The following TUSC3 variants were observed in gnomAD, a reference collection of about 807,000 sequenced individuals.
TUSC3 encodes tumor suppressor candidate 3.
TUSC3 carries 45 observed loss-of-function variants against 44.8 expected under a neutral mutation model. The ratio of observed to expected loss-of-function variants is 1.00; its 90% CI spans 0.79 to 1.29. TUSC3 has a LOEUF of 1.29. Among genes scored for constraint, TUSC3 ranks in the 50% most tolerant of loss-of-function variants. The pLI, the probability that TUSC3 is intolerant of heterozygous loss-of-function variation, is 0.00. For missense variants in TUSC3, 519 were observed against 437.9 expected, an observed-to-expected ratio of 1.19 and a Z score of -1.65; for synonymous variants, 212 against 152.9, an observed-to-expected ratio of 1.39 and a Z score of -2.85.
At chr8:15,514,029 C>G (rs1236116650) in intron 2 of TUSC3, among the ~76,000 whole-genome samples, 1 of 152,148 alleles carries the variant, frequency 6.6e-6, no homozygotes, top group Non-Finnish European at 1.5e-5. Context: ...GGAACATAAC[C>G]AGTACTTTTC....
intron 1 of TUSC3, among the ~76,000 whole-genome samples, chr8:15,577,721 G>C (rs1363295315): frequency 1.5e-4 from 20 of 137,668 alleles, no homozygotes; most frequent in East Asian, 4.5e-4. Context: ...CTGTAGCCTT[G>C]TAGTATAGTT....
intron 6 of TUSC3, among the ~76,000 whole-genome samples, chr8:15,725,694 A>G (rs1463935881): frequency 6.6e-6 from 1 of 152,200 alleles, no homozygotes; most frequent in Non-Finnish European, 1.5e-5. Flanking sequence ...TGTATTATCA[A>G]TTCACTTCTC....
intron 1 of TUSC3, among the ~76,000 whole-genome samples, chr8:15,419,464 T>C (rs755724865): frequency 1.6e-4 from 24 of 152,232 alleles, no homozygotes; most frequent in Non-Finnish European, 8.8e-5. Context: ...TATTTTAGAA[T>C]GTTTATTCAT....
At position 15,551,341 on chromosome 8, in the gene TUSC3, A is replaced by G. The variant is rs188278932; in HGVS notation, c.138+10773A>G. 9.2e-5 allele frequency among the ~76,000 whole-genome samples: 14 copies of G among 151,852 alleles called. 1 individual carries two copies. The highest frequency in any genetic ancestry group is 8.5e-4 in the Admixed American group (13 of 15,210). On this transcript the variant is annotated intron_variant, in intron 1 of 10. Coordinates refer to ENST00000503731, the MANE Select transcript of TUSC3 (RefSeq NM_006765.4). Reference sequence around the variant, plus strand: ...GAATGATTTATGGTAGTTTCTCTATATATCAAAGCTAATTTTATGTTTTAG... The same window carrying G: ...GAATGATTTATGGTAGTTTCTCTATGTATCAAAGCTAATTTTATGTTTTAG...
chr8:15,513,098 TTAATC>T (rs1336687396), intron 2 of TUSC3, among the ~76,000 whole-genome samples: 2 of 151,298 alleles, frequency 1.3e-5, no homozygotes, highest in East Asian at 3.9e-4. Context: ...ACTCGAAAAA[TTAATC>T]TAGCCACCTA....
At chr8:15,508,164 C>T (rs138047085) in intron 2 of TUSC3, among the ~76,000 whole-genome samples, 35 of 152,160 alleles carry the variant, frequency 2.3e-4, no homozygotes, top group Non-Finnish European at 3.7e-4. Flanking sequence ...TGCATGAATC[C>T]GGGAGGCAGA....
intron 6 of TUSC3, among the ~76,000 whole-genome samples, chr8:15,694,968 G>T (rs1173128788): frequency 6.6e-6 from 1 of 152,188 alleles, no homozygotes; most frequent in Non-Finnish European, 1.5e-5. Context: ...GGGTGTGCTG[G>T]TGTGGTGGCA....
intron 6 of TUSC3, among the ~76,000 whole-genome samples, chr8:15,695,242 C>A (rs144943719): frequency 6.6e-6 from 1 of 152,138 alleles, no homozygotes; most frequent in South Asian, 2.1e-4. Context: ...GGGAGGGACC[C>A]AGTGGGAGGT....
At chr8:15,756,796 T>C (rs1462248129) in intron 9 of TUSC3, among the ~76,000 whole-genome samples, 4 of 152,272 alleles carry the variant, frequency 2.6e-5, no homozygotes, top group South Asian at 2.1e-4. Flanking sequence ...TTGTTCTTCA[T>C]AGTTGAAGGT....
chr8:15,798,900 C>T, the TUSC3 span, among the ~76,000 whole-genome samples: 16 of 152,118 alleles, frequency 1.1e-4, 1 homozygote, highest in Admixed American at 8.5e-4. Context: ...GATGCTGCTG[C>T]CCGCAGGAAT....
At chr8:15,819,282 T>A in the TUSC3 span, among the ~76,000 whole-genome samples, 1 of 152,156 alleles carries the variant, frequency 6.6e-6, no homozygotes, top group Non-Finnish European at 1.5e-5. Context: ...ATTTAACATA[T>A]TTGTTACTTC....
intron 1 of TUSC3, among the ~76,000 whole-genome samples, chr8:15,574,181 T>A (rs1303866986): frequency 6.6e-6 from 1 of 152,104 alleles, no homozygotes; most frequent in Non-Finnish European, 1.5e-5. Context: ...GCACAGTGAG[T>A]GCCCTCAGTA....
chr8:15,787,276 A>G, the TUSC3 span, among the ~76,000 whole-genome samples: 2 of 152,306 alleles, frequency 1.3e-5, no homozygotes, highest in African/African-American at 2.4e-5. Flanking sequence ...AATCAGCATC[A>G]TGCACACTAA....
At chr8:15,804,590 A>G in the TUSC3 span, among the ~76,000 whole-genome samples, 66 of 152,168 alleles carry the variant, frequency 4.3e-4, 1 homozygote, top group Non-Finnish European at 1.2e-4. Context: ...TACTTTCCTC[A>G]CAGCTTATTT....
chr8:15,792,467 A>G, the TUSC3 span, among the ~76,000 whole-genome samples: 1 of 152,232 alleles, frequency 6.6e-6, no homozygotes, highest in African/African-American at 2.4e-5. Context: ...AGTTGAATTT[A>G]GCCTAGAGTA....
At chr8:15,467,830 C>A (rs1563258976) in intron 1 of TUSC3, among the ~76,000 whole-genome samples, 1 of 152,080 alleles carries the variant, frequency 6.6e-6, no homozygotes, top group Non-Finnish European at 1.5e-5. Flanking sequence ...TCTACGTATG[C>A]TTCTAACCTA....
chr8:15,537,699 G>A (rs555650794), upstream of TUSC3, among the ~76,000 whole-genome samples: 1 of 152,184 alleles, frequency 6.6e-6, no homozygotes, highest in African/African-American at 2.4e-5. Flanking sequence ...GTTTGGGGAG[G>A]ATGGGAAAAT....
chr8:15,698,509 C>T (rs1052160284), intron 6 of TUSC3, among the ~76,000 whole-genome samples: 1 of 152,122 alleles, frequency 6.6e-6, no homozygotes, highest in Non-Finnish European at 1.5e-5. Context: ...ATGCTTTTCC[C>T]ATTATATGAG....
chr8:15,621,537 A>G (rs1197727251), intron 1 of TUSC3, among the ~76,000 whole-genome samples: 1 of 146,790 alleles, frequency 6.8e-6, no homozygotes, highest in African/African-American at 2.5e-5. Context: ...TATATATATA[A>G]AGTATATTTC....
Sources: gnomAD v4.1 joint callset for allele counts (sites outside exome capture counted in the v4.1 genomes callset) on GRCh38, gnomAD v4.1.1 for gene constraint, MANE v1.5 for transcripts, NCBI Gene and HGNC (gene_info 2026-07-23, HGNC 2026-07-21) for gene names.